Variants in RNF144B observed in about 807,000 individuals in gnomAD.
RNF144B encodes the protein ring finger protein 144B, also known as E3 ubiquitin-protein ligase RNF144B.
In RNF144B, 25 loss-of-function variants were observed where a neutral mutation model predicts 40.2. The ratio of observed to expected loss-of-function variants is 0.62; its 90% confidence interval spans 0.45 to 0.87. The LOEUF (loss-of-function observed/expected upper bound fraction) is 0.87, where lower values mean the gene tolerates loss of function less well. Among genes scored for constraint, RNF144B ranks in the 40% least tolerant of loss-of-function variants. RNF144B has a pLI of 0.00. For missense variants in RNF144B, 365 were observed against 373.7 expected, an observed-to-expected ratio of 0.98 and a Z score of 0.19; for synonymous variants, 145 against 136.3, an observed-to-expected ratio of 1.06 and a Z score of -0.44.
intron 1 of RNF144B, among the ~76,000 whole-genome samples, chr6:18,397,955 ACT>A (rs931655355): frequency 6.6e-6 from 1 of 151,840 alleles, no homozygotes; most frequent in African/African-American, 2.4e-5. Context: ...CCAAGCAGAA[ACT>A]CTGTACCCGT....
intron 2 of RNF144B, among the ~76,000 whole-genome samples, chr6:18,411,495 ATATT>A (rs1795044443): frequency 3.8e-5 from 1 of 26,448 alleles, no homozygotes; most frequent in Non-Finnish European, 6.2e-5. Context: ...ATATATATAT[ATATT>A]TTTTTTTTTT....
At chr6:18,404,306 T>C (rs747414693) in intron 2 of RNF144B, among the ~76,000 whole-genome samples, 1 of 152,326 alleles carries the variant, frequency 6.6e-6, no homozygotes, top group South Asian at 2.1e-4. Flanking sequence ...AATGCAGATA[T>C]GGAGATAAGA....
In RNF144B at chr6:18,456,772, G is replaced by A. The variant is rs536360580; in HGVS notation, c.332-383G>A. 4.6e-5 allele frequency among the ~76,000 whole-genome samples: 7 copies of A among 152,082 alleles called. No individual in the cohort carries two copies. Among genetic ancestry groups the A allele is most frequent in the Non-Finnish European group, 8.8e-5 (6 of 67,962 alleles). On this transcript the variant is annotated intron_variant, in intron 4 of 7. Transcript: ENST00000259939. This position sits in a 1 kb window ranked among gnomAD's most constrained non-coding sequence, Gnocchi z 4.7. ...CATAAATGTCAGTTTAAAAAAGAGGGTAAATGGGGCAGGTGTGGTGGCTCA... is the reference window on the plus strand; with the variant it reads ...CATAAATGTCAGTTTAAAAAAGAGGATAAATGGGGCAGGTGTGGTGGCTCA...
rs1428694698 is a variant in RNF144B at position 18,395,273 on chromosome 6, G to A, written c.-36-4226G>A. Among the ~76,000 whole-genome samples, 2 of 152,168 alleles carry A rather than the reference G, an allele frequency of 1.3e-5. No homozygotes were observed. The highest frequency in any genetic ancestry group is 4.8e-5 in the African/African-American group (2 of 41,430). On this transcript the variant is annotated intron_variant, in intron 1 of 7. Transcript: ENST00000259939. This position sits in a 1 kb window ranked among gnomAD's most constrained non-coding sequence, Gnocchi z 4.5. ...TGAAGACTTTTCTTGAAACCTGGAG[G>A]GGAGTGGATGTGAATTGCTTGTGCC... is the stretch of plus-strand genomic sequence containing the variant.
chr6:18,428,195 T>C (rs1758609346), intron 3 of RNF144B, among the ~76,000 whole-genome samples: 2 of 152,144 alleles, frequency 1.3e-5, no homozygotes, highest in South Asian at 2.1e-4. Flanking sequence ...ATGTGTTTGC[T>C]TTCTCTTCTA....
At chr6:18,396,727 A>G (rs1794701053) in intron 1 of RNF144B, 1 of 985,384 alleles carries the variant, frequency 1.0e-6, no homozygotes, top group Non-Finnish European at 1.2e-6. Context: ...AAGACAACAG[A>G]TGGGAAGTTG....
At chr6:18,463,130 A>C (rs1164193195) in intron 6 of RNF144B, among the ~76,000 whole-genome samples, 161 bp from the exon 7 acceptor site, 3 of 152,134 alleles carry the variant, frequency 2.0e-5, no homozygotes, top group African/African-American at 7.2e-5. Context: ...GGTGATTTAC[A>C]AAACTACCAA....
intron 2 of RNF144B, among the ~76,000 whole-genome samples, chr6:18,408,940 T>G (rs1794972361): frequency 6.9e-5 from 1 of 14,394 alleles, no homozygotes; most frequent in Non-Finnish European, 2.2e-4. Context: ...AGAAAAGTGT[T>G]TTTTTTTTTT....
rs1794904445 is a variant in RNF144B, at chr6:18,406,302, G to A, written c.165+6603G>A. Among the ~76,000 whole-genome samples the A allele has an allele frequency of 1.3e-5, 2 of 152,136 alleles. No homozygotes were observed. Among genetic ancestry groups the A allele is most frequent in the Non-Finnish European group, 2.9e-5 (2 of 68,028 alleles). On this transcript the variant is annotated intron_variant, in intron 2 of 7. Transcript: ENST00000259939. The surrounding 1 kb of genome is among the most constrained non-coding windows in gnomAD (Gnocchi z 4.2). Reference sequence around the variant, plus strand: ...ATCAGGGAAGTCTCAGTGATAAGGTGTTATTTGAGCAGAGACCTGAAGGAA... The same window carrying A: ...ATCAGGGAAGTCTCAGTGATAAGGTATTATTTGAGCAGAGACCTGAAGGAA...
chr6:18,444,846 C>T lies in RNF144B; in HGVS notation c.331+5102C>T, dbSNP rs6918663. 0.12 allele frequency among the ~76,000 whole-genome samples: 19,015 copies of T among 152,176 alleles called. 1,365 individuals are homozygous for T. The highest frequency in any genetic ancestry group is 0.19 in the Admixed American group (2,956 of 15,276). ...ATCTTTCTTTGAAAGCCCTTTTGTT[C>T]TCAGCATTCTCCTCAAGCCTCCTTT... On this transcript the variant is annotated intron_variant, in intron 4 of 7. Transcript: ENST00000259939. The surrounding 1 kb of genome is among the most constrained non-coding windows in gnomAD (Gnocchi z 4.3).
At chr6:18,428,598 A>C (rs1268246424) in intron 3 of RNF144B, among the ~76,000 whole-genome samples, 1 of 151,960 alleles carries the variant, frequency 6.6e-6, no homozygotes, top group African/African-American at 2.4e-5. Context: ...ACTCTTGTTT[A>C]TTCTTAGGGT....
At chr6:18,408,478 A>G (rs952532632) in intron 2 of RNF144B, among the ~76,000 whole-genome samples, 1 of 152,210 alleles carries the variant, frequency 6.6e-6, no homozygotes, top group Non-Finnish European at 1.5e-5. Context: ...CCTGTAATCA[A>G]ATTAGCATGA....
At position 18,465,172 on chromosome 6, in the gene RNF144B, G is replaced by T. The variant is rs773287676; in HGVS notation, c.*105G>T. ...CTCCTTCTCCTTGCCAACTTTGAAA[G>T]TGCCTCCGTGTCCAGACTTTGAACT... is the stretch of plus-strand genomic sequence containing the variant. On this transcript the variant is annotated 3_prime_UTR_variant, in exon 8 of 8. Transcript: ENST00000259939. The T allele has an allele frequency of 2.6e-5, 31 of 1,180,968 alleles. No individual in the cohort carries two copies. Among genetic ancestry groups the T allele is most frequent in the Non-Finnish European group, 3.2e-5 (27 of 832,582 alleles). The allele number at this position is 1,180,968 out of a possible 1,614,324, so 73.2% of individuals were successfully genotyped here. A position where few individuals can be genotyped will look rare whatever the true frequency, so the allele number is the denominator to read the frequency against.
rs1203812515 is a variant in RNF144B at position 18,418,787 on chromosome 6, A to AATATATAATATT, written c.166-8793_166-8782dup. ...CTCAATAAAACATGACATAATATAA[A>AATATATAATATT]ATATATAATATTTACATATCATATA... On this transcript the variant is annotated intron_variant, in intron 2 of 7. Transcript: ENST00000259939. This position sits in a 1 kb window ranked among gnomAD's most constrained non-coding sequence, Gnocchi z 5.2. Among the ~76,000 whole-genome samples, 16 of 151,506 alleles carry AATATATAATATT rather than the reference A, an allele frequency of 1.1e-4. No homozygotes were observed. The highest frequency in any genetic ancestry group is 3.6e-4 in the African/African-American group (15 of 41,292).
rs2113486487 is a variant in RNF144B at position 18,418,489 on chromosome 6, C to T, written c.166-9092C>T. ...ACAAAGGACCATATATTGTATCATT[C>T]CATTTATATGAAATGTAGAGAGTAG... On this transcript the variant is annotated intron_variant, in intron 2 of 7. Transcript: ENST00000259939. The surrounding 1 kb of genome is among the most constrained non-coding windows in gnomAD (Gnocchi z 5.2). Among the ~76,000 whole-genome samples the T allele has an allele frequency of 6.6e-6, 1 of 152,210 alleles. No homozygotes were observed. The highest frequency in any genetic ancestry group is 2.1e-4 in the South Asian group (1 of 4,826).
intron 2 of RNF144B, among the ~76,000 whole-genome samples, chr6:18,421,491 T>G (rs549262000): frequency 6.6e-6 from 1 of 152,030 alleles, no homozygotes; most frequent in Non-Finnish European, 1.5e-5. Context: ...TCACTAAAAA[T>G]TTTGACGTGT....
Position 18,443,558 on chromosome 6 carries a change from G to A in RNF144B, c.331+3814G>A, listed in dbSNP as rs979515038. Among the ~76,000 whole-genome samples the A allele has an allele frequency of 6.6e-6, 1 of 152,122 alleles. No individual in the cohort carries two copies. The highest frequency in any genetic ancestry group is 2.1e-4 in the South Asian group (1 of 4,832). On this transcript the variant is annotated intron_variant, in intron 4 of 7. Transcript: ENST00000259939. This position sits in a 1 kb window ranked among gnomAD's most constrained non-coding sequence, Gnocchi z 4.7. ...TTACAGGTGTGAGCTACCGTGCCCG[G>A]CCTCTTAGGTGATTTTGGAAGGCAA...
intron 2 of RNF144B, among the ~76,000 whole-genome samples, chr6:18,426,835 G>T (rs754525628): frequency 6.7e-6 from 1 of 149,286 alleles, no homozygotes; most frequent in Non-Finnish European, 1.5e-5. Context: ...TCTTCTCTGG[G>T]TTTCTTTTTT....
In RNF144B at chr6:18,387,460, C is replaced by G. The variant is rs1199663787; in HGVS notation, c.-207C>G. 1 of 1,247,172 alleles carries G rather than the reference C, an allele frequency of 8.0e-7. No individual in the cohort carries two copies. Among genetic ancestry groups the G allele is most frequent in the African/African-American group, 1.6e-5 (1 of 64,152 alleles). 77.3% of individuals were successfully genotyped at this position (1,247,172 alleles called of 1,614,324 possible). On this transcript the variant is annotated 5_prime_UTR_variant, in exon 1 of 8. Transcript: ENST00000259939. ...CTCCCGACCCGTAGGTCTGGGAGCG[C>G]AAGTCCTGTTGCAGTCTTGCAAAGT...
Sources: gnomAD v4.1 joint callset for allele counts (sites outside exome capture counted in the v4.1 genomes callset) on GRCh38, gnomAD v4.1.1 for gene constraint, Gnocchi (gnomAD v3.1) non-coding constraint, MANE v1.5 for transcripts, NCBI Gene and HGNC (gene_info 2026-07-23, HGNC 2026-07-21) for gene names.